BABAM2: variants seen among roughly 807,000 people sequenced by gnomAD.
BABAM2 encodes BRISC and BRCA1-A complex member 2.
A neutral mutation model predicts 54.7 loss-of-function variants in BABAM2; 31 were observed. The observed-to-expected ratio is 0.57, with a 90% CI of 0.43 to 0.77. BABAM2 has a LOEUF of 0.77. Among genes scored for constraint, BABAM2 ranks in the 30% least tolerant of loss-of-function variants. The probability of loss-of-function intolerance (pLI) is 0.00; values close to 1 mark genes in which losing one functional copy is unlikely to be tolerated. For synonymous variants in BABAM2, 167 were observed against 162.9 expected (o/e 1.03, Z -0.19); for missense variants, 364 against 455.8 (o/e 0.80, Z 1.83).
chr2:27,935,299 C>T (rs1214359230), intron 3 of BABAM2, among the ~76,000 whole-genome samples: 1 of 152,190 alleles, frequency 6.6e-6, no homozygotes, highest in Admixed American at 6.5e-5. Flanking sequence ...CTGTTGAGAA[C>T]TACTGCTCAG....
chr2:28,325,991 C>T lies in BABAM2; in HGVS notation c.1089-12459C>T, dbSNP rs542802364. ...CCTCCTTTGGGAGTCCTGCACTTTG[C>T]TGTGGAGGCTGATGCCTGACCATGC... is the stretch of plus-strand genomic sequence containing the variant. On this transcript the variant is annotated intron_variant, in intron 11 of 11. Coordinates refer to ENST00000379624, the MANE Select transcript of BABAM2 (RefSeq NM_199191.3). This position sits in a 1 kb window ranked among gnomAD's most constrained non-coding sequence, Gnocchi z 4.3. 9.2e-5 allele frequency among the ~76,000 whole-genome samples: 14 copies of T among 152,354 alleles called. No homozygotes were observed. In the South Asian group the frequency reaches 2.9e-3, roughly 32 times the overall value.
At position 27,961,438 on chromosome 2, in the gene BABAM2, A is replaced by G. The variant is rs142349448; in HGVS notation, c.206-26555A>G. Among the ~76,000 whole-genome samples the G allele has an allele frequency of 6.5e-3, 986 of 152,302 alleles. 8 individuals are homozygous for G. The highest frequency in any genetic ancestry group is 0.012 in the Non-Finnish European group (790 of 68,020). On this transcript the variant is annotated intron_variant, in intron 3 of 11. Coordinates refer to ENST00000379624, the MANE Select transcript of BABAM2 (RefSeq NM_199191.3). ...TAGTCAACACTTTATTATAAAATAGACTTTGTGTTAGATGATTTTGCCTAC... is the reference window on the plus strand; with the variant it reads ...TAGTCAACACTTTATTATAAAATAGGCTTTGTGTTAGATGATTTTGCCTAC...
At chr2:28,026,801 A>AAAAATATATAAATATATATTTATATATAT (rs1675717972) in intron 5 of BABAM2, among the ~76,000 whole-genome samples, 2 of 60,236 alleles carry the variant, frequency 3.3e-5, no homozygotes, top group Non-Finnish European at 7.3e-5. Context: ...ATATTTATAT[A>AAAAATATATAAATATATATTTATATATAT]AAAAATATAT....
chr2:27,893,496 G>A (rs1345955332), intron 1 of BABAM2, among the ~76,000 whole-genome samples: 2 of 152,132 alleles, frequency 1.3e-5, no homozygotes, highest in African/African-American at 2.4e-5. Context: ...TGGGGAGGGG[G>A]CACATTATCT....
At chr2:28,105,596 A>C (rs558385922) in intron 6 of BABAM2, among the ~76,000 whole-genome samples, 1 of 152,356 alleles carries the variant, frequency 6.6e-6, no homozygotes, top group South Asian at 2.1e-4. Flanking sequence ...CAAATCTTCA[A>C]AATAGAAATA....
chr2:27,890,806 C>A lies in BABAM2; in HGVS notation c.-61C>A, dbSNP rs1026371175. On this transcript the variant is annotated 5_prime_UTR_variant, in exon 1 of 12. Coordinates refer to ENST00000379624, the MANE Select transcript of BABAM2 (RefSeq NM_199191.3). The surrounding 1 kb of genome is among the most constrained non-coding windows in gnomAD (Gnocchi z 4.8). The stretch of plus-strand genomic sequence containing the variant: ...GGGGCGCGCTCGGGTACCTGTACCC[C>A]ACGTAGTCGCCGGTTACCGATCGGA... The A allele has an allele frequency of 6.6e-6, 1 of 152,588 alleles. No homozygotes were observed. Among genetic ancestry groups the A allele is most frequent in the African/African-American group, 2.4e-5 (1 of 41,420 alleles). The allele number at this position is 152,588 out of a possible 1,614,324, so 9.5% of individuals were successfully genotyped here.
chr2:28,010,004 T>G (rs1674274497), intron 4 of BABAM2, among the ~76,000 whole-genome samples: 1 of 152,152 alleles, frequency 6.6e-6, no homozygotes, highest in Non-Finnish European at 1.5e-5. Flanking sequence ...AGTGAAGGCC[T>G]CCTGTCTAAG....
chr2:28,332,416 T>C (rs1691039820), intron 11 of BABAM2, among the ~76,000 whole-genome samples: 1 of 152,202 alleles, frequency 6.6e-6, no homozygotes, highest in Non-Finnish European at 1.5e-5. Flanking sequence ...AGACCATAAC[T>C]GGGTGGTCAT....
intron 3 of BABAM2, among the ~76,000 whole-genome samples, chr2:27,963,469 C>CA (rs760525051): frequency 0.051 from 2,703 of 53,390 alleles, 86 homozygotes; most frequent in African/African-American, 0.098. Flanking sequence ...GACTCTTTCT[C>CA]AAAAAAAAAA....
At chr2:28,148,365 A>C (rs1364125758) in intron 7 of BABAM2, among the ~76,000 whole-genome samples, 2 of 152,144 alleles carry the variant, frequency 1.3e-5, no homozygotes, top group Non-Finnish European at 2.9e-5. Context: ...CCCACTAATA[A>C]GTTGCATTCC....
chr2:28,128,886 A>T (rs555666673), intron 6 of BABAM2, among the ~76,000 whole-genome samples: 3 of 152,244 alleles, frequency 2.0e-5, no homozygotes, highest in African/African-American at 7.2e-5. Context: ...AGGTGTAAGA[A>T]AATTACTGGA....
chr2:28,183,755 A>T (rs1481328927), intron 7 of BABAM2, among the ~76,000 whole-genome samples: 1 of 151,808 alleles, frequency 6.6e-6, no homozygotes, highest in African/African-American at 2.4e-5. Flanking sequence ...ACACACACAC[A>T]CACACACACA....
At chr2:28,218,609 G>A (rs1165821301) in intron 7 of BABAM2, among the ~76,000 whole-genome samples, 1 of 152,028 alleles carries the variant, frequency 6.6e-6, no homozygotes, top group African/African-American at 2.4e-5. Flanking sequence ...TTTGTCCCGG[G>A]ATTGGTGATG....
intron 7 of BABAM2, among the ~76,000 whole-genome samples, chr2:28,224,874 A>AAG (rs1263874751): frequency 6.7e-6 from 1 of 148,738 alleles, no homozygotes; most frequent in Non-Finnish European, 1.5e-5. Flanking sequence ...AAAAAAAAAA[A>AAG]TCTGGGGCCC....
intron 7 of BABAM2, among the ~76,000 whole-genome samples, chr2:28,197,470 C>G (rs180879463): frequency 1.6e-3 from 243 of 152,240 alleles, no homozygotes; most frequent in South Asian, 4.3e-3. Context: ...AAAACACTTG[C>G]TAAAAAATGG....
At chr2:28,128,807 C>T (rs1669790142) in intron 6 of BABAM2, among the ~76,000 whole-genome samples, 1 of 152,104 alleles carries the variant, frequency 6.6e-6, no homozygotes, top group African/African-American at 2.4e-5. Context: ...TGTATGGTGA[C>T]ACTCTTCATG....
At chr2:28,338,387 T>G in intron 11 of BABAM2, 63 bp from the exon 12 acceptor site, 2 of 1,394,154 alleles carry the variant, frequency 1.4e-6, no homozygotes, top group Non-Finnish European at 2.0e-6. Context: ...AGCTCCCAGT[T>G]GCACTTTGTT....
chr2:28,049,913 A>G (rs545511873), intron 6 of BABAM2, among the ~76,000 whole-genome samples: 2 of 152,354 alleles, frequency 1.3e-5, no homozygotes, highest in South Asian at 4.1e-4. Flanking sequence ...GACATTGGCC[A>G]GCCGGCTACC....
chr2:28,183,739 T>A (rs1440374050), intron 7 of BABAM2, among the ~76,000 whole-genome samples: 1 of 133,124 alleles, frequency 7.5e-6, no homozygotes, highest in African/African-American at 2.7e-5. Flanking sequence ...TGGATGAAGA[T>A]CACACACACA....
Sources: allele counts gnomAD v4.1 joint callset (sites outside exome capture counted in the v4.1 genomes callset), GRCh38; gene constraint gnomAD v4.1.1; non-coding constraint Gnocchi (gnomAD v3.1); transcripts MANE v1.5; gene names NCBI Gene and HGNC (gene_info 2026-07-23, HGNC 2026-07-21).